The following CEP95 variants were observed in gnomAD, a reference collection of about 807,000 sequenced individuals.
The protein encoded by CEP95 is centrosomal protein of 95 kDa.
In CEP95, 98 loss-of-function variants were observed where a neutral mutation model predicts 111.2. That is an observed-to-expected ratio of 0.88 (90% CI 0.75 to 1.04). The LOEUF (loss-of-function observed/expected upper bound fraction) is 1.04. CEP95 is among the 50% of genes least tolerant of loss of function. CEP95 has a pLI of 0.00. For missense variants in CEP95, 1,027 were observed against 977.2 expected (o/e 1.05, Z -0.68); for synonymous variants, 323 against 327.1 (o/e 0.99, Z 0.14).
At chr17:64,516,252 G>T (rs1396139779) in intron 4 of CEP95, among the ~76,000 whole-genome samples, 2 of 152,186 alleles carry the variant, frequency 1.3e-5, no homozygotes, top group Non-Finnish European at 2.9e-5. Flanking sequence ...ATAGCTACTG[G>T]TGAAAGTATG....
At chr17:64,518,221 C>T (rs1429142091) in intron 5 of CEP95, among the ~76,000 whole-genome samples, 1 of 152,216 alleles carries the variant, frequency 6.6e-6, no homozygotes, top group Non-Finnish European at 1.5e-5. Context: ...CACTGTATAA[C>T]ATCATTCATG....
rs781985974 is a variant in CEP95, at chr17:64,529,467, G to T, written c.1446+40G>T. ...CTTGACTACCATTAAGCAGCAGCCAGTACCATTTCCCCTCAGCCAGATGCT... is the reference window on the plus strand; with the variant it reads ...CTTGACTACCATTAAGCAGCAGCCATTACCATTTCCCCTCAGCCAGATGCT... On this transcript the variant is annotated intron_variant, in intron 12 of 19. Transcript: ENST00000556440. The T allele has an allele frequency of 1.9e-6, 3 of 1,602,104 alleles. No homozygotes were observed. In the African/African-American group the frequency reaches 4.0e-5, roughly 22 times the overall value.
chr17:64,537,019 T>C (rs782259349), intron 18 of CEP95, 22 bp from the exon 19 acceptor site: 1 of 1,581,614 alleles, frequency 6.3e-7, no homozygotes, highest in Non-Finnish European at 8.6e-7. Context: ...ATAATATTTG[T>C]TTTTTTTCTT....
chr17:64,508,506 G>C lies in CEP95; in HGVS notation c.20-86G>C, dbSNP rs369597775. The C allele has an allele frequency of 1.1e-5, 14 of 1,231,012 alleles. No homozygotes were observed. The East Asian group carries it at 1.9e-4, about 17-fold the overall frequency. The allele number at this position is 1,231,012 out of a possible 1,614,324, so 76.3% of individuals were successfully genotyped here. On this transcript the variant is annotated intron_variant, in intron 1 of 19. Transcript: ENST00000556440. ...AAAGTTCAGTGTCTGTTTTTGTTGG[G>C]GGGGAGGTTGTTGGATTTTTTAAAT...
chr17:64,526,050 A>C, intron 9 of CEP95, 21 bp from the exon 10 acceptor site: 1 of 1,604,428 alleles, frequency 6.2e-7, no homozygotes, highest in Non-Finnish European at 8.5e-7. Flanking sequence ...TTTTACTGTC[A>C]AATGGTCACT....
At chr17:64,537,574 C>G (rs1555681863) in intron 19 of CEP95, 29 bp from the exon 20 acceptor site, 2 of 1,558,074 alleles carry the variant, frequency 1.3e-6, no homozygotes, top group African/African-American at 2.7e-5. Context: ...ATGCTGTGAA[C>G]AGCGGGATGA....
intron 11 of CEP95, among the ~76,000 whole-genome samples, chr17:64,527,906 A>ACG (rs1182212879): frequency 1.0e-4 from 15 of 148,586 alleles, no homozygotes; most frequent in South Asian, 4.2e-4. Flanking sequence ...ACACACACAC[A>ACG]CGCGTGTAGC....
At chr17:64,518,916 G>C (rs1461509146) in intron 5 of CEP95, among the ~76,000 whole-genome samples, 3 of 152,086 alleles carry the variant, frequency 2.0e-5, no homozygotes, top group Non-Finnish European at 4.4e-5. Flanking sequence ...CCTGACCTCA[G>C]GCAATCCACC....
intron 17 of CEP95, 85 bp from the exon 18 acceptor site, chr17:64,536,517 C>A (rs782286142): frequency 3.4e-5 from 30 of 894,978 alleles, no homozygotes; most frequent in South Asian, 6.6e-5. Context: ...AAAAAAAAAA[C>A]CTTGGGAAAT....
chr17:64,520,592 C>T (rs553249302), intron 6 of CEP95: 1 of 152,222 alleles, frequency 6.6e-6, no homozygotes, highest in East Asian at 1.9e-4. Flanking sequence ...TGCCACATGC[C>T]CAGCTGATTT....
At position 64,507,125 on chromosome 17, in the gene CEP95, C is replaced by T. The variant is rs370780263; in HGVS notation, c.19+9C>T. 1.2e-5 allele frequency: 18 copies of T among 1,551,360 alleles called. No individual in the cohort carries two copies. The East Asian group carries it at 2.2e-4, about 19-fold the overall frequency. ...GGCAGGCTCGGATGCTGGTGAGTGT[C>T]TCCCTGGGGTCCCAGTATGTGTGGA... On this transcript the variant is annotated intron_variant, in intron 1 of 19. Coordinates refer to ENST00000556440, the MANE Select transcript of CEP95 (RefSeq NM_138363.3).
rs575666923 is a variant in CEP95, at chr17:64,537,703, G to A, written c.2390G>A (p.Arg797Gln). 125 of 1,612,946 alleles carry A rather than the reference G, an allele frequency of 7.7e-5. No individual in the cohort carries two copies. Among genetic ancestry groups the A allele is most frequent in the Non-Finnish European group, 9.5e-5 (112 of 1,179,438 alleles). Residue 797 changes from arginine to glutamine, a missense_variant, in exon 20 of 20, where the codon CGG becomes CAG. Coordinates refer to ENST00000556440, the MANE Select transcript of CEP95 (RefSeq NM_138363.3). Reference sequence around the variant, plus strand: ...CAGAATGATGATGATGTTTTCTTCCGGGAACTGGAAGCTGAGCGCTTCAGA... The same window carrying A: ...CAGAATGATGATGATGTTTTCTTCCAGGAACTGGAAGCTGAGCGCTTCAGA... ...ITQNDDDVFF[R>Q]ELEAERFRSR...
Position 64,507,362 on chromosome 17 carries a change from G to A in CEP95, c.19+246G>A, listed in dbSNP as rs1454905932. ...GGGGCGAGGCCGGTAGGACACTTGG[G>A]TCCTGGCTGTAAAAAGAGCGGTCAG... is the stretch of plus-strand genomic sequence containing the variant. On this transcript the variant is annotated intron_variant, in intron 1 of 19. Coordinates refer to ENST00000556440, the MANE Select transcript of CEP95 (RefSeq NM_138363.3). 4 of 1,412,584 alleles carry A rather than the reference G, an allele frequency of 2.8e-6. No homozygotes were observed. The African/African-American group carries it at 5.8e-5, about 21-fold the overall frequency. 87.5% of individuals were successfully genotyped at this position (1,412,584 alleles called of 1,614,324 possible).
chr17:64,507,776 C>G (rs1245216027), intron 1 of CEP95: 3 of 985,376 alleles, frequency 3.0e-6, no homozygotes, highest in African/African-American at 1.7e-5. Flanking sequence ...GTTTCCAGAA[C>G]GTTACGTGTC....
At chr17:64,508,464 AATTCCTT>A in intron 1 of CEP95, 121 bp from the exon 2 acceptor site, 1 of 1,180,920 alleles carries the variant, frequency 8.5e-7, no homozygotes, top group Non-Finnish European at 1.1e-6. Context: ...CTAACAATCA[AATTCCTT>A]ATCTTCTGCA....
chr17:64,532,839 T>A lies in CEP95; in HGVS notation c.1673T>A (p.Met558Lys). Residue 558 changes from methionine (M) to lysine (K), a missense_variant and splice_region_variant, in exon 15 of 20, where the codon ATG (methionine) becomes AAG (lysine). Coordinates refer to ENST00000556440, the MANE Select transcript of CEP95 (RefSeq NM_138363.3). Reference protein sequence around the residue: ...GLPKPNKAVPMKVSEHSLLPL... With the variant: ...GLPKPNKAVPKKVSEHSLLPL... ...AAGAACATCTTATTTTACCTTGCAG[T>A]GAAAGTAAGTGAACACAGTCTCCTG... The A allele has an allele frequency of 6.2e-7, 1 of 1,604,496 alleles. No individual in the cohort carries two copies. Among genetic ancestry groups the A allele is most frequent in the Non-Finnish European group, 8.5e-7 (1 of 1,177,342 alleles).
intron 3 of CEP95, among the ~76,000 whole-genome samples, chr17:64,510,891 A>G (rs142494863): frequency 1.4e-3 from 220 of 152,212 alleles, no homozygotes; most frequent in African/African-American, 5.0e-3. Flanking sequence ...GTTCTTTTCT[A>G]TTTTATCTAA....
rs946880349 is a variant in CEP95 at position 64,510,171 on chromosome 17, A to G, written c.149-2A>G. On this transcript the variant is annotated splice_acceptor_variant, in intron 2 of 19. Transcript: ENST00000556440. LOFTEE classifies it high-confidence loss of function. ...AAATTATGTGATTTTTTCCCCCCCCAGACCTCATAGTTATTCCTAGGAGTC... is the reference window on the plus strand; with the variant it reads ...AAATTATGTGATTTTTTCCCCCCCCGGACCTCATAGTTATTCCTAGGAGTC... 21 of 1,569,212 alleles carry G rather than the reference A, an allele frequency of 1.3e-5. No individual in the cohort carries two copies. Among genetic ancestry groups the G allele is most frequent in the Non-Finnish European group, 1.7e-5 (20 of 1,144,946 alleles).
intron 14 of CEP95, chr17:64,532,534 G>T: frequency 5.1e-6 from 5 of 985,392 alleles, no homozygotes; most frequent in Non-Finnish European, 6.0e-6. Flanking sequence ...TACCGGGAAG[G>T]TTGAGGAGTC....
Sources: gnomAD v4.1 joint callset for allele counts (sites outside exome capture counted in the v4.1 genomes callset) on GRCh38, gnomAD v4.1.1 for gene constraint, MANE v1.5 for transcripts, NCBI Gene and HGNC (gene_info 2026-07-23, HGNC 2026-07-21) for gene names.